The following ANKRD26 variants were observed in gnomAD, a reference collection of about 807,000 sequenced individuals.
ANKRD26 encodes the protein ankyrin repeat domain-containing protein 26.
In ANKRD26, 141 loss-of-function variants were observed where a neutral mutation model predicts 208.7. The ratio of observed to expected loss-of-function variants is 0.68; its 90% confidence interval spans 0.59 to 0.78. The LOEUF is 0.78. ANKRD26 is among the 30% of genes least tolerant of loss of function. The pLI is 0.00. For missense variants in ANKRD26, 1,889 were observed against 1,938.7 expected (o/e 0.97, Z 0.48); for synonymous variants, 636 against 660.4 (o/e 0.96, Z 0.57).
At chr10:26,976,328 C>T (rs1045649019) in intron 5 of ANKRD26, among the ~76,000 whole-genome samples, 6 of 152,110 alleles carry the variant, frequency 3.9e-5, no homozygotes, top group Non-Finnish European at 8.8e-5. Flanking sequence ...GATTCTCCTG[C>T]CTCAGCCTCC....
At chr10:27,062,075 T>G (rs1343562357) in intron 12 of ANKRD26, 2 of 985,064 alleles carry the variant, frequency 2.0e-6, no homozygotes, top group East Asian at 1.1e-4. Flanking sequence ...AGCTAACTTC[T>G]TTCTTTCTTC....
downstream of ANKRD26, among the ~76,000 whole-genome samples, chr10:26,999,191 A>G (rs950670369): frequency 9.9e-5 from 15 of 152,176 alleles, no homozygotes; most frequent in African/African-American, 3.4e-4. Context: ...TAATATGGGC[A>G]TCTCAGAAGA....
intron 17 of ANKRD26, among the ~76,000 whole-genome samples, chr10:27,047,721 AC>A (rs1468077725): frequency 7.8e-4 from 77 of 98,136 alleles, no homozygotes; most frequent in African/African-American, 2.1e-3. Flanking sequence ...TACTACTACT[AC>A]TAATAATAAT....
At chr10:27,021,146 T>C (rs905492819) in intron 29 of ANKRD26, among the ~76,000 whole-genome samples, 14 of 152,232 alleles carry the variant, frequency 9.2e-5, no homozygotes, top group Admixed American at 2.6e-4. Flanking sequence ...TCTGTTGTTT[T>C]CACCTTTATG....
chr10:27,012,775 G>A lies in ANKRD26; in HGVS notation c.4953+107C>T, dbSNP rs1056201240. ...TGCAGTGAGCCAAGATGGCACCACT[G>A]CACTCCAGCCTGGACAACAGAGTAA... On this transcript the variant is annotated intron_variant, in intron 32 of 33. Transcript: ENST00000376087. 8.2e-5 allele frequency: 89 copies of A among 1,091,038 alleles called. No homozygotes were observed. The Admixed American group carries it at 1.7e-3, about 21-fold the overall frequency. 67.6% of individuals were successfully genotyped at this position (1,091,038 alleles called of 1,614,324 possible). A position where few individuals can be genotyped will look rare whatever the true frequency, so the allele number is the denominator to read the frequency against.
At chr10:27,093,305 A>G in intron 3 of ANKRD26, 44 bp downstream of exon 3, 8 of 1,569,856 alleles carry the variant, frequency 5.1e-6, no homozygotes, top group Non-Finnish European at 6.1e-6. Flanking sequence ...TGTTGAAACA[A>G]ACGCATTTCA....
intron 26 of ANKRD26, 84 bp from the exon 27 acceptor site, chr10:27,029,029 T>C (rs535689758): frequency 2.1e-5 from 24 of 1,163,918 alleles, no homozygotes; most frequent in Non-Finnish European, 2.7e-5. Context: ...CCTGAAGGCA[T>C]AATTACATAA....
intron 4 of ANKRD26, among the ~76,000 whole-genome samples, chr10:27,087,332 T>G (rs1411227228): frequency 1.3e-5 from 2 of 152,184 alleles, no homozygotes; most frequent in African/African-American, 4.8e-5. Context: ...TTTAACAAGA[T>G]AACACTTTTC....
intron 9 of ANKRD26, among the ~76,000 whole-genome samples, chr10:27,074,085 G>A (rs2055603192): frequency 6.8e-6 from 1 of 148,004 alleles, no homozygotes; most frequent in Non-Finnish European, 1.5e-5. Flanking sequence ...AAATTAGAAG[G>A]AACCAGAAAA....
chr10:27,076,870 GA>G (rs1281144014), intron 9 of ANKRD26, among the ~76,000 whole-genome samples: 1 of 151,930 alleles, frequency 6.6e-6, no homozygotes, highest in Admixed American at 6.5e-5. Flanking sequence ...CCGCCAACAA[GA>G]AAAAAACCCA....
the ANKRD26 span, among the ~76,000 whole-genome samples, chr10:26,956,475 A>C: frequency 1.3e-5 from 2 of 152,096 alleles, no homozygotes; most frequent in African/African-American, 2.4e-5. Context: ...TCTATTTTTA[A>C]AAATTATTAG....
chr10:27,017,431 C>T (rs1022554288), intron 30 of ANKRD26, 71 bp downstream of exon 30: 19 of 1,525,822 alleles, frequency 1.2e-5, no homozygotes, highest in Non-Finnish European at 1.7e-5. Context: ...GTAGAGGAAA[C>T]ACATATAATG....
intron 25 of ANKRD26, among the ~76,000 whole-genome samples, chr10:27,030,951 TTCTC>T (rs1400073251): frequency 1.3e-5 from 2 of 152,176 alleles, no homozygotes; most frequent in African/African-American, 2.4e-5. Flanking sequence ...TTAGACAAGT[TTCTC>T]TCTTATGAAA....
intron 15 of ANKRD26, among the ~76,000 whole-genome samples, chr10:27,059,808 T>C (rs1020135361): frequency 2.0e-5 from 3 of 150,872 alleles, no homozygotes; most frequent in Admixed American, 6.6e-5. Flanking sequence ...GGCAGGAGAA[T>C]TGCTGGAACC....
At chr10:26,974,911 T>C (rs1441358882) in exon 6 of ANKRD26, among the ~76,000 whole-genome samples, 1 of 148,772 alleles carries the variant, frequency 6.7e-6, no homozygotes, top group African/African-American at 2.6e-5. Context: ...TGATCAGTCT[T>C]TTCTCTCTCA....
intron 9 of ANKRD26, among the ~76,000 whole-genome samples, 178 bp from the exon 10 acceptor site, chr10:27,067,464 G>A (rs897673678): frequency 2.0e-5 from 3 of 152,006 alleles, no homozygotes; most frequent in African/African-American, 7.2e-5. Context: ...AATTTATGAA[G>A]AAAAGAGGTT....
chr10:26,979,203 A>G (rs548784402), intron 5 of ANKRD26, among the ~76,000 whole-genome samples: 96 of 152,318 alleles, frequency 6.3e-4, no homozygotes, highest in African/African-American at 2.2e-3. Flanking sequence ...CAGGCGACAG[A>G]GCGAGACTCC....
chr10:27,001,660 C>T (rs2052728350), downstream of ANKRD26, among the ~76,000 whole-genome samples: 1 of 152,196 alleles, frequency 6.6e-6, no homozygotes, highest in African/African-American at 2.4e-5. Flanking sequence ...TCTGCCTGGC[C>T]AGTGCCATGT....
In ANKRD26 at chr10:27,063,871, T is replaced by A. The variant is rs138946053; in HGVS notation, c.1363+117A>T. 4.3e-4 allele frequency: 367 copies of A among 853,888 alleles called. 2 individuals carry two copies. The African/African-American group carries it at 5.4e-3, about 13-fold the overall frequency. 52.9% of individuals were successfully genotyped at this position (853,888 alleles called of 1,614,324 possible). ...AACTTATCACAATTTTACCTCTCTTTATTCTTACTATGCATTTAATAGGTG... is the reference window on the plus strand; with the variant it reads ...AACTTATCACAATTTTACCTCTCTTAATTCTTACTATGCATTTAATAGGTG... On this transcript the variant is annotated intron_variant, in intron 12 of 33. Coordinates refer to ENST00000376087, the MANE Select transcript of ANKRD26 (RefSeq NM_014915.3).
Sources: gnomAD v4.1 joint callset for allele counts (sites outside exome capture counted in the v4.1 genomes callset) on GRCh38, gnomAD v4.1.1 for gene constraint, MANE v1.5 for transcripts, NCBI Gene and HGNC (gene_info 2026-07-23, HGNC 2026-07-21) for gene names.